IFT52: variants seen among roughly 807,000 people sequenced by gnomAD.
IFT52 encodes intraflagellar transport protein 52 homolog.
In IFT52, 44 loss-of-function variants were observed where a neutral mutation model predicts 54.4. The observed-to-expected ratio is 0.81, with a 90% CI of 0.63 to 1.04. The LOEUF (loss-of-function observed/expected upper bound fraction) is 1.04, where lower values mean the gene tolerates loss of function less well. Ranked by LOEUF, IFT52 falls within the 50% of genes least tolerant of loss-of-function variation. IFT52 has a pLI of 0.00. For synonymous variants in IFT52, 181 were observed against 185.3 expected, an observed-to-expected ratio of 0.98 and a Z score of 0.19; for missense variants, 452 against 523.6, an observed-to-expected ratio of 0.86 and a Z score of 1.33.
chr20:43,642,682 T>C (rs1443543306), intron 13 of IFT52, 58 bp downstream of exon 13: 53 of 1,522,074 alleles, frequency 3.5e-5, no homozygotes, highest in Middle Eastern at 3.5e-4. Context: ...GTATCTTCCA[T>C]GGACTGTGCT....
chr20:43,646,735 G>A (rs1372028270), intron 13 of IFT52, among the ~76,000 whole-genome samples: 1 of 152,120 alleles, frequency 6.6e-6, no homozygotes, highest in Non-Finnish European at 1.5e-5. Context: ...TGGGTGGTGG[G>A]CAGTGGTCAC....
intron 3 of IFT52, among the ~76,000 whole-genome samples, chr20:43,597,263 T>G (rs1370788936): frequency 6.6e-6 from 1 of 150,816 alleles, no homozygotes; most frequent in African/African-American, 2.4e-5. Context: ...CCCAGCTACA[T>G]GAGAGGCTGA....
chr20:43,645,863 T>TAA lies in IFT52; in HGVS notation c.1267-1058_1267-1057dup, dbSNP rs1166311677. The stretch of plus-strand genomic sequence containing the variant: ...CAGGGTGATAGAGTGAGACCCTGTT[T>TAA]AAAAAAAAAAAAAAAAGATAGTGTT... On this transcript the variant is annotated intron_variant, in intron 13 of 13. Coordinates refer to ENST00000373030, the MANE Select transcript of IFT52 (RefSeq NM_016004.5). Among the ~76,000 whole-genome samples, 2 of 41,464 alleles carry TAA rather than the reference T, an allele frequency of 4.8e-5. 1 individual carries two copies. The highest frequency in any genetic ancestry group is 6.0e-4 in the Admixed American group (2 of 3,324). 27.2% of individuals were successfully genotyped at this position (41,464 alleles called of 152,430 possible).
intron 7 of IFT52, among the ~76,000 whole-genome samples, chr20:43,615,199 C>T (rs190930657): frequency 1.0e-3 from 155 of 152,008 alleles, no homozygotes; most frequent in Non-Finnish European, 1.0e-3. Flanking sequence ...TGCACCACCA[C>T]ACCCTGCTAA....
intron 3 of IFT52, among the ~76,000 whole-genome samples, chr20:43,600,936 A>T (rs1982393586): frequency 6.6e-6 from 1 of 152,184 alleles, no homozygotes; most frequent in Non-Finnish European, 1.5e-5. Flanking sequence ...GAGCCACTGC[A>T]GCATGGGTGA....
At position 43,602,290 on chromosome 20, in the gene IFT52, G is replaced by A. The variant is rs547446100; in HGVS notation, c.208-1470G>A. 9.4e-4 allele frequency among the ~76,000 whole-genome samples: 142 copies of A among 151,248 alleles called. 1 individual carries two copies. Among genetic ancestry groups the A allele is most frequent in the African/African-American group, 3.1e-3 (127 of 41,188 alleles). ...ACTGATTCTCCTGCCTCAGCCTCCC[G>A]AGTAGCGGGGATTACAGGCATCTGC... On this transcript the variant is annotated intron_variant, in intron 3 of 13. Coordinates refer to ENST00000373030, the MANE Select transcript of IFT52 (RefSeq NM_016004.5).
chr20:43,626,429 A>G (rs1984727578), intron 10 of IFT52, among the ~76,000 whole-genome samples: 1 of 151,930 alleles, frequency 6.6e-6, no homozygotes, highest in East Asian at 1.9e-4. Flanking sequence ...TATTTTTAGT[A>G]GAGTCGGGGT....
intron 1 of IFT52, among the ~76,000 whole-genome samples, chr20:43,593,549 A>T (rs756248741): frequency 6.6e-6 from 1 of 152,130 alleles, no homozygotes; most frequent in Non-Finnish European, 1.5e-5. Context: ...CCATAAAATG[A>T]ATACTGTGTA....
chr20:43,605,255 T>C, intron 6 of IFT52, 182 bp downstream of exon 6: 2 of 1,363,878 alleles, frequency 1.5e-6, no homozygotes, highest in Non-Finnish European at 1.9e-6. Context: ...AGTCTTAATA[T>C]AGTATTTAGG....
At chr20:43,609,240 A>G (rs1183190252) in intron 6 of IFT52, among the ~76,000 whole-genome samples, 1 of 152,048 alleles carries the variant, frequency 6.6e-6, no homozygotes, top group Non-Finnish European at 1.5e-5. Context: ...AGACTATCTC[A>G]AAAAAATAAT....
intron 3 of IFT52, among the ~76,000 whole-genome samples, chr20:43,603,028 T>C (rs1982580705): frequency 6.6e-6 from 1 of 152,226 alleles, no homozygotes; most frequent in African/African-American, 2.4e-5. Context: ...ACATACATAT[T>C]GAATGTATTT....
chr20:43,593,662 T>C (rs544718721), intron 1 of IFT52, among the ~76,000 whole-genome samples: 1 of 152,142 alleles, frequency 6.6e-6, no homozygotes, highest in Non-Finnish European at 1.5e-5. Flanking sequence ...CTTAACCTCT[T>C]GGGCTCAAGC....
chr20:43,621,835 CTAAG>C (rs1214133773), intron 9 of IFT52, among the ~76,000 whole-genome samples: 1 of 152,194 alleles, frequency 6.6e-6, no homozygotes, highest in Non-Finnish European at 1.5e-5. Flanking sequence ...GTTGTGTGGG[CTAAG>C]TTAATAGATG....
intron 8 of IFT52, among the ~76,000 whole-genome samples, chr20:43,619,790 G>A (rs1417704287): frequency 3.3e-5 from 5 of 152,018 alleles, no homozygotes; most frequent in Admixed American, 3.3e-4. Context: ...GGTGATTCCA[G>A]TGAGAGAAAG....
chr20:43,619,910 CTTTTT>C lies in IFT52; in HGVS notation c.699+904_699+908del, dbSNP rs11482384. 4.5e-4 allele frequency among the ~76,000 whole-genome samples: 37 copies of C among 82,798 alleles called. 1 individual carries two copies. Among genetic ancestry groups the C allele is most frequent in the Admixed American group, 9.9e-4 (5 of 5,076 alleles). The allele number at this position is 82,798 out of a possible 152,430, so 54.3% of individuals were successfully genotyped here. A position where few individuals can be genotyped will look rare whatever the true frequency, so the allele number is the denominator to read the frequency against. On this transcript the variant is annotated intron_variant, in intron 8 of 13. Transcript: ENST00000373030. ...CATTATGGGAGATCTAGATATTCTA[CTTTTT>C]TTTTTTTTTTTTTTTTTTTGACATG...
intron 12 of IFT52, among the ~76,000 whole-genome samples, chr20:43,639,361 G>T (rs1256764230): frequency 6.6e-6 from 1 of 151,564 alleles, no homozygotes; most frequent in African/African-American, 2.4e-5. Context: ...AACATAATGA[G>T]ACCTTGTCTC....
At chr20:43,616,212 G>A (rs1983846057) in intron 7 of IFT52, among the ~76,000 whole-genome samples, 1 of 151,624 alleles carries the variant, frequency 6.6e-6, no homozygotes, top group African/African-American at 2.4e-5. Context: ...AAGTAATAAT[G>A]TGCTCATTGT....
chr20:43,606,475 T>C (rs1982892410), intron 6 of IFT52, among the ~76,000 whole-genome samples: 1 of 151,994 alleles, frequency 6.6e-6, no homozygotes, highest in Non-Finnish European at 1.5e-5. Context: ...GGTTTCACCA[T>C]GTTGGTCAGG....
In IFT52 at chr20:43,620,838, A is replaced by AT. The variant is rs747990194; in HGVS notation, c.700-19_700-18insT. 9.5e-6 allele frequency: 14 copies of AT among 1,478,062 alleles called. No homozygotes were observed. The highest frequency in any genetic ancestry group is 1.3e-5 in the Non-Finnish European group (14 of 1,099,296). 91.6% of individuals were successfully genotyped at this position (1,478,062 alleles called of 1,614,324 possible). ...AAATAACCAACTGTCCTAATTATAT[A>AT]CTTTTTTTTTTAATTTAGGATGTTG... On this transcript the variant is annotated intron_variant, in intron 8 of 13. Coordinates refer to ENST00000373030, the MANE Select transcript of IFT52 (RefSeq NM_016004.5).
Sources: allele counts gnomAD v4.1 joint callset (sites outside exome capture counted in the v4.1 genomes callset), GRCh38; gene constraint gnomAD v4.1.1; transcripts MANE v1.5; gene names NCBI Gene and HGNC (gene_info 2026-07-23, HGNC 2026-07-21).